ESR1: variants seen among roughly 807,000 people sequenced by gnomAD.
The protein encoded by ESR1 is estrogen receptor.
ESR1 carries 12 observed loss-of-function variants against 52.7 expected under a neutral mutation model. The observed-to-expected ratio is 0.23, with a 90% CI of 0.15 to 0.37. The LOEUF (loss-of-function observed/expected upper bound fraction) is 0.37. ESR1 is among the 10% of genes least tolerant of loss of function. The pLI, the probability that ESR1 is intolerant of heterozygous loss-of-function variation, is 1.00. For missense variants in ESR1, 584 were observed against 779.7 expected, an observed-to-expected ratio of 0.75 and a Z score of 2.99; for synonymous variants, 305 against 316.8, an observed-to-expected ratio of 0.96 and a Z score of 0.39.
At chr6:151,717,940 G>A (rs549170019) in intron 2 of ESR1, among the ~76,000 whole-genome samples, 1 of 152,076 alleles carries the variant, frequency 6.6e-6, no homozygotes, top group African/African-American at 2.4e-5. Flanking sequence ...AAGGTGCTGG[G>A]GAGTGTGGAG....
chr6:151,745,911 C>G (rs909100331), intron 2 of ESR1, among the ~76,000 whole-genome samples: 9 of 152,098 alleles, frequency 5.9e-5, no homozygotes, highest in African/African-American at 2.2e-4. Context: ...CCTCCCAAGG[C>G]CTGGCAACCA....
At chr6:151,879,709 TG>T (rs1384104501) in intron 2 of ESR1, among the ~76,000 whole-genome samples, 2 of 152,190 alleles carry the variant, frequency 1.3e-5, no homozygotes, top group African/African-American at 4.8e-5. Context: ...TTAGAATCGT[TG>T]GATGTGGTGG....
chr6:151,803,540 A>G (rs1222596477), upstream of ESR1, among the ~76,000 whole-genome samples: 1 of 152,130 alleles, frequency 6.6e-6, no homozygotes, highest in East Asian at 1.9e-4. Context: ...TCATGGGGGA[A>G]GCTATGATTT....
chr6:152,055,461 G>A (rs2047021777), intron 5 of ESR1, among the ~76,000 whole-genome samples: 1 of 152,162 alleles, frequency 6.6e-6, no homozygotes. Flanking sequence ...CCCTTCTGCT[G>A]TCACCCTTTG....
At chr6:151,812,165 C>G (rs1014594558) in intron 1 of ESR1, among the ~76,000 whole-genome samples, 23 of 152,080 alleles carry the variant, frequency 1.5e-4, no homozygotes, top group Non-Finnish European at 2.6e-4. Flanking sequence ...AGATGCCAGA[C>G]TTACCATTAA....
chr6:151,944,053 A>G, intron 3 of ESR1, 120 bp from the exon 4 acceptor site: 2 of 791,740 alleles, frequency 2.5e-6, no homozygotes, highest in Non-Finnish European at 2.1e-6. Flanking sequence ...TTACCAGCTC[A>G]CCTGTGCTTG....
chr6:151,911,311 G>A (rs1798222478), intron 3 of ESR1, among the ~76,000 whole-genome samples: 1 of 152,158 alleles, frequency 6.6e-6, no homozygotes, highest in Non-Finnish European at 1.5e-5. Flanking sequence ...GCTAACCAAT[G>A]TGATTAAATG....
At chr6:152,092,919 G>T (rs1336385650) in intron 6 of ESR1, among the ~76,000 whole-genome samples, 1 of 152,126 alleles carries the variant, frequency 6.6e-6, no homozygotes, top group Non-Finnish European at 1.5e-5. Flanking sequence ...GCAAAAAGGG[G>T]ATTCACTGAT....
chr6:151,693,790 A>G (rs1271420954), intron 1 of ESR1, among the ~76,000 whole-genome samples: 1 of 152,114 alleles, frequency 6.6e-6, no homozygotes, highest in Non-Finnish European at 1.5e-5. Flanking sequence ...GCTAATTTTC[A>G]TATTTTTAGT....
rs2048364587 is a variant in ESR1 at position 152,071,710 on chromosome 6, A to T, written c.1369+10586A>T. On this transcript the variant is annotated intron_variant, in intron 6 of 7. Transcript: ENST00000206249. ...TACTTTCTTTAAAAATAAGATTTTAAATAACTATATAATCAGTCATGATGA... is the reference window on the plus strand; with the variant it reads ...TACTTTCTTTAAAAATAAGATTTTATATAACTATATAATCAGTCATGATGA... 2.6e-5 allele frequency among the ~76,000 whole-genome samples: 4 copies of T among 152,366 alleles called. No individual in the cohort carries two copies. In the South Asian group the frequency reaches 8.3e-4, roughly 32 times the overall value.
rs556023590 is a variant in ESR1, at chr6:151,900,847, C to G, written c.760+20076C>G. On this transcript the variant is annotated intron_variant, in intron 3 of 7. Transcript: ENST00000206249. ...CCAGCACCTGCTCTGATAGAGGTGG[C>G]AGGGGAGTGAAATGGACTCTGCAGG... Among the ~76,000 whole-genome samples the G allele has an allele frequency of 3.9e-5, 6 of 152,308 alleles. No individual in the cohort carries two copies. The East Asian group carries it at 1.2e-3, about 29-fold the overall frequency.
At chr6:151,989,357 G>A (rs546019472) in intron 4 of ESR1, among the ~76,000 whole-genome samples, 5 of 152,150 alleles carry the variant, frequency 3.3e-5, no homozygotes, top group East Asian at 1.9e-4. Flanking sequence ...TGGCACATTC[G>A]TGTCTCATTA....
chr6:151,678,597 A>G (rs748614862), intron 1 of ESR1, among the ~76,000 whole-genome samples: 3 of 152,164 alleles, frequency 2.0e-5, no homozygotes, highest in Non-Finnish European at 4.4e-5. Flanking sequence ...AACCACTGAT[A>G]ACCAACAGAA....
At chr6:151,689,242 G>A (rs77950045), upstream of ESR1, among the ~76,000 whole-genome samples, 2,688 of 152,054 alleles carry the variant, frequency 0.018, 32 homozygotes, top group Middle Eastern at 0.041. Flanking sequence ...AAAATATTTC[G>A]CTTTCAAAAC....
At chr6:152,040,485 A>G (rs1216093983) in intron 5 of ESR1, among the ~76,000 whole-genome samples, 5 of 152,088 alleles carry the variant, frequency 3.3e-5, no homozygotes, top group Non-Finnish European at 7.4e-5. Context: ...TCTTCCCCAA[A>G]TTTCATTGTC....
chr6:151,839,031 G>A (rs1008196939), intron 1 of ESR1, among the ~76,000 whole-genome samples: 1 of 152,108 alleles, frequency 6.6e-6, no homozygotes, highest in African/African-American at 2.4e-5. Context: ...TCAGTCATTT[G>A]ATATCAATGT....
intron 3 of ESR1, among the ~76,000 whole-genome samples, chr6:151,884,129 T>A (rs984908509): frequency 2.0e-5 from 3 of 152,230 alleles, no homozygotes. Context: ...TATATGTACA[T>A]AAGTTTTAAA....
chr6:151,986,905 G>A (rs1722361120), intron 4 of ESR1, among the ~76,000 whole-genome samples: 1 of 144,580 alleles, frequency 6.9e-6, no homozygotes, highest in African/African-American at 2.7e-5. Flanking sequence ...GTGTGAGCAT[G>A]TGTGTGTGTG....
intron 2 of ESR1, among the ~76,000 whole-genome samples, chr6:151,762,488 C>T (rs1784732887): frequency 1.3e-5 from 2 of 152,170 alleles, no homozygotes; most frequent in Admixed American, 1.3e-4. Context: ...CTTTAAATCC[C>T]AGCTCTTTCA....
Sources: gnomAD v4.1 joint callset for allele counts (sites outside exome capture counted in the v4.1 genomes callset) on GRCh38, gnomAD v4.1.1 for gene constraint, MANE v1.5 for transcripts, NCBI Gene and HGNC (gene_info 2026-07-23, HGNC 2026-07-21) for gene names.